The following EEF2 variants were observed in gnomAD, a reference collection of about 807,000 sequenced individuals.
EEF2 encodes elongation factor 2.
Under a neutral mutation model 85.3 loss-of-function variants are expected in EEF2, and 21 were observed. That is an observed-to-expected ratio of 0.25 (90% CI 0.17 to 0.35). The LOEUF (loss-of-function observed/expected upper bound fraction) is 0.35. EEF2 is among the 10% of genes least tolerant of loss of function. The pLI, the probability that EEF2 is intolerant of heterozygous loss-of-function variation, is 1.00. For missense variants in EEF2, 825 were observed against 1,225.3 expected, an observed-to-expected ratio of 0.67 and a Z score of 4.88; for synonymous variants, 723 against 508.8, an observed-to-expected ratio of 1.42 and a Z score of -5.67.
chr19:3,979,900 C>G lies in EEF2; in HGVS notation c.1513G>C (p.Val505Leu), dbSNP rs763738662. ...RVMKFSVSPV[V>L]RVAVEAKNPA... Reference sequence around the variant, plus strand: ...TTCTTGGCCTCCACGGCCACTCTGACAACAGGGCTGACGCTGAACTTCATC... The same window carrying G: ...TTCTTGGCCTCCACGGCCACTCTGAGAACAGGGCTGACGCTGAACTTCATC... Residue 505 changes from valine (V) to leucine (L), a missense_variant, in exon 10 of 15, where the codon GTC becomes CTC. Val to Leu is a conservative substitution (Grantham distance 32). Transcript: ENST00000309311. 1 of 1,613,894 alleles carries G rather than the reference C, an allele frequency of 6.2e-7. No individual in the cohort carries two copies. Among genetic ancestry groups the G allele is most frequent in the South Asian group, 1.1e-5 (1 of 91,090 alleles).
chr19:3,977,981 C>G lies in EEF2; in HGVS notation c.1905G>C (p.Leu635=), dbSNP rs149189348. ...CCACGTCCCACTCGTACTTCTCGGC[C>G]AGGTAGCGCGCCCGCTGCTTGAGCT... is the stretch of plus-strand genomic sequence containing the variant. The part of the protein sequence containing the change: ...RQELKQRARY[L]AEKYEWDVAE... Residue 635 remains leucine, a synonymous_variant, in exon 12 of 15, where the codon CTG becomes CTC. Transcript: ENST00000309311. This position sits in a 1 kb window ranked among gnomAD's most constrained non-coding sequence, Gnocchi z 5.4. 6.2e-7 allele frequency: 1 copy of G among 1,613,108 alleles called. No individual in the cohort carries two copies. Among genetic ancestry groups the G allele is most frequent in the Non-Finnish European group, 8.5e-7 (1 of 1,179,724 alleles).
rs1321095181 is a variant in EEF2, at chr19:3,976,449, C to T, written c.*105G>A. ...GGGCCCCAGAAACCTCTCAGGGGAG[C>T]GTCGCTGTGTCGGGACAGTCTCCAG... is the stretch of plus-strand genomic sequence containing the variant. On this transcript the variant is annotated 3_prime_UTR_variant, in exon 15 of 15. Coordinates refer to ENST00000309311, the MANE Select transcript of EEF2 (RefSeq NM_001961.4). 6 of 1,329,222 alleles carry T rather than the reference C, an allele frequency of 4.5e-6. No homozygotes were observed. The highest frequency in any genetic ancestry group is 2.7e-5 in the South Asian group (2 of 73,700). The allele number at this position is 1,329,222 out of a possible 1,614,324, so 82.3% of individuals were successfully genotyped here.
chr19:3,979,237 A>T, intron 11 of EEF2, 92 bp downstream of exon 11: 1 of 951,310 alleles, frequency 1.1e-6, no homozygotes, highest in East Asian at 2.4e-5. Flanking sequence ...GATCAAGTCT[A>T]GGCGTCTGCA....
rs1218412825 is a variant in EEF2 at position 3,983,101 on chromosome 19, A to C, written c.400+9T>G. The stretch of plus-strand genomic sequence containing the variant: ...TCCAGGCCGTGCCTCAGGGGGACCC[A>C]CTGCTTACCTGACACGCAGTCCACC... On this transcript the variant is annotated intron_variant, in intron 3 of 14. Transcript: ENST00000309311. 6.2e-7 allele frequency: 1 copy of C among 1,612,940 alleles called. No homozygotes were observed. Among genetic ancestry groups the C allele is most frequent in the Admixed American group, 1.7e-5 (1 of 59,996 alleles).
At chr19:3,982,639 G>C in intron 4 of EEF2, 168 bp downstream of exon 4, 1 of 1,096,772 alleles carries the variant, frequency 9.1e-7, no homozygotes, top group East Asian at 2.4e-5. Flanking sequence ...GCTGCCCAAA[G>C]ATCAAGGGCT....
In EEF2 at chr19:3,976,515, G is replaced by GCGCTT. The variant is rs2039681564; in HGVS notation, c.*38_*39insAAGCG. ...TCGAGGACGTGGTGCTGTGGGTGCTGCGAGTCCCCGGGGCGGCAGGCGCTG... is the reference window on the plus strand; with the variant it reads ...TCGAGGACGTGGTGCTGTGGGTGCTGCGCTTCGAGTCCCCGGGGCGGCAGGCGCTG... On this transcript the variant is annotated 3_prime_UTR_variant, in exon 15 of 15. Coordinates refer to ENST00000309311, the MANE Select transcript of EEF2 (RefSeq NM_001961.4). The GCGCTT allele has an allele frequency of 6.4e-7, 1 of 1,565,490 alleles. No homozygotes were observed. The highest frequency in any genetic ancestry group is 1.4e-5 in the African/African-American group (1 of 73,766).
chr19:3,983,067 G>GC, intron 3 of EEF2, 43 bp downstream of exon 3: 1 of 1,611,272 alleles, frequency 6.2e-7, no homozygotes, highest in Non-Finnish European at 8.5e-7. Context: ...AGCAAGGATG[G>GC]CCCCCGGTTC....
rs143659055 is a variant in EEF2 at position 3,978,158 on chromosome 19, G to A, written c.1728C>T (p.Val576=). 30 of 1,449,222 alleles carry A rather than the reference G, an allele frequency of 2.1e-5. No homozygotes were observed. The African/African-American group carries it at 2.4e-4, about 12-fold the overall frequency. 89.8% of individuals were successfully genotyped at this position (1,449,222 alleles called of 1,614,324 possible). ...CACTGACCGTCTCGCGGTACGAGAC[G>A]ACCGGGTCAGATTTCTGCAAAAAGA... ...ACIPIKKSDP[V]VSYRETVSEE... The change falls in exon 12 of 15, where the codon GTC becomes GTT. Residue 576 remains valine (V), a synonymous_variant. Coordinates refer to ENST00000309311, the MANE Select transcript of EEF2 (RefSeq NM_001961.4).
rs2039737693 is a variant in EEF2, at chr19:3,980,893, C to T, written c.1098G>A (p.Lys366=). ...IHLPSPVTAQ[K]YRCELLYEGP... is the part of the protein sequence containing the mutation. ...CCTCGTACAGGAGCTCGCAGCGGTA[C>T]TTCTGGGCCGTCACAGGGGAGGGCA... is the stretch of plus-strand genomic sequence containing the variant. Residue 366 remains lysine, a synonymous_variant, in exon 8 of 15, where the codon AAG becomes AAA. Coordinates refer to ENST00000309311, the MANE Select transcript of EEF2 (RefSeq NM_001961.4). 3 of 1,565,010 alleles carry T rather than the reference C, an allele frequency of 1.9e-6. No individual in the cohort carries two copies. The highest frequency in any genetic ancestry group is 2.6e-6 in the Non-Finnish European group (3 of 1,155,986).
Position 3,980,602 on chromosome 19 carries a change from G to C in EEF2, c.1258C>G (p.Leu420Val), listed in dbSNP as rs1444018681. 6.2e-7 allele frequency: 1 copy of C among 1,614,240 alleles called. No homozygotes were observed. Among genetic ancestry groups the C allele is most frequent in the Non-Finnish European group, 8.5e-7 (1 of 1,180,040 alleles). ...CTGACCTTCAGGCCAGTGGAGACCA[G>C]CCCCGAGAAGACTCGTCCAAAGGCG... ...FYAFGRVFSG[L>V]VSTGLKVRIM... The change falls in exon 9 of 15, where the codon CTG becomes GTG. Residue 420 changes from leucine (L) to valine (V), a missense_variant. Physicochemically the swap from Leu to Val is conservative, Grantham distance 32. Transcript: ENST00000309311.
At chr19:3,978,430 C>T (rs891371816) in intron 11 of EEF2, among the ~76,000 whole-genome samples, 17 of 152,086 alleles carry the variant, frequency 1.1e-4, no homozygotes, top group African/African-American at 3.9e-4. Context: ...AGGGAAGAAA[C>T]GAGGTCTGGA....
In EEF2 at chr19:3,984,222, G is replaced by A. The variant is rs758482203; in HGVS notation, c.132C>T (p.Gly44=). 12 of 1,614,016 alleles carry A rather than the reference G, an allele frequency of 7.4e-6. No homozygotes were observed. The highest frequency in any genetic ancestry group is 1.3e-5 in the African/African-American group (1 of 74,936). ...TLTDSLVCKA[G]IIASARAGET... is the part of the protein sequence containing the mutation. ...CCCCGGCCCGGGCCGAGGCGATGAT[G>A]CCCGCCTTGCACACCAGGGAGTCTG... Residue 44 remains glycine, a synonymous_variant, in exon 2 of 15, where the codon GGC becomes GGT. Coordinates refer to ENST00000309311, the MANE Select transcript of EEF2 (RefSeq NM_001961.4).
chr19:3,982,833 C>T lies in EEF2; in HGVS notation c.586G>A (p.Glu196Lys). ...NVIISTYGEGESGPMGNIMID... is the reference protein window; with the variant it reads ...NVIISTYGEGKSGPMGNIMID... Reference sequence around the variant, plus strand: ...ATGATGTTGCCCATGGGGCCGCTCTCGCCCTCGCCGTAGGTGGAGATGATG... The same window carrying T: ...ATGATGTTGCCCATGGGGCCGCTCTTGCCCTCGCCGTAGGTGGAGATGATG... Residue 196 changes from glutamate to lysine, a missense_variant, in exon 4 of 15, where the codon GAG becomes AAG. Transcript: ENST00000309311. The T allele has an allele frequency of 6.2e-7, 1 of 1,612,592 alleles. No homozygotes were observed. Among genetic ancestry groups the T allele is most frequent in the South Asian group, 1.1e-5 (1 of 90,856 alleles).
At chr19:3,981,526 G>C (rs1415108922) in intron 6 of EEF2, 74 bp from the exon 7 acceptor site, 1 of 1,390,340 alleles carries the variant, frequency 7.2e-7, no homozygotes, top group Non-Finnish European at 1.0e-6. Flanking sequence ...CTTCCTGCTT[G>C]GAAGACTCAG....
rs1178023719 is a variant in EEF2, at chr19:3,977,698, G to A, written c.2068-88C>T. The A allele has an allele frequency of 6.8e-7, 1 of 1,478,984 alleles. No homozygotes were observed. Among genetic ancestry groups the A allele is most frequent in the Admixed American group, 2.4e-5 (1 of 41,804 alleles). The allele number at this position is 1,478,984 out of a possible 1,614,324, so 91.6% of individuals were successfully genotyped here. On this transcript the variant is annotated intron_variant, in intron 12 of 14. Coordinates refer to ENST00000309311, the MANE Select transcript of EEF2 (RefSeq NM_001961.4). The surrounding 1 kb of genome is among the most constrained non-coding windows in gnomAD (Gnocchi z 5.4). ...GCCAAGTCCTGCAGGTCTCCACCAG[G>A]GGGACCTGGGGCCTTGCCCGCCTTG...
Position 3,977,440 on chromosome 19 carries a change from A to T in EEF2, c.2238T>A (p.Leu746=). 6.3e-7 allele frequency: 1 copy of T among 1,583,396 alleles called. No homozygotes were observed. The highest frequency in any genetic ancestry group is 8.6e-7 in the Non-Finnish European group (1 of 1,165,184). The change falls in exon 13 of 15, where the codon CTT becomes CTA. Residue 746 remains leucine, a synonymous_variant. Coordinates refer to ENST00000309311, the MANE Select transcript of EEF2 (RefSeq NM_001961.4). This position sits in a 1 kb window ranked among gnomAD's most constrained non-coding sequence, Gnocchi z 5.4. The stretch of plus-strand genomic sequence containing the variant: ...GGGTAGACCTCACCTGGATCTCCAC[A>T]AGGTAGATGGGCTCCATGAGGCGTG... ...AQPRLMEPIY[L]VEIQCPEQVV...
In EEF2 at chr19:3,982,830, TCTCGCC is replaced by T; in HGVS notation, c.583_588del (p.Gly195_Glu196del). 1 of 1,612,452 alleles carries T rather than the reference TCTCGCC, an allele frequency of 6.2e-7. No homozygotes were observed. The highest frequency in any genetic ancestry group is 8.5e-7 in the Non-Finnish European group (1 of 1,179,662). On this transcript the variant is annotated inframe_deletion, in exon 4 of 15. Coordinates refer to ENST00000309311, the MANE Select transcript of EEF2 (RefSeq NM_001961.4). The stretch of plus-strand genomic sequence containing the variant: ...ACCATGATGTTGCCCATGGGGCCGC[TCTCGCC>T]CTCGCCGTAGGTGGAGATGATGACG...
chr19:3,985,320 T>G (rs1411677341), intron 1 of EEF2, 58 bp downstream of exon 1: 12 of 1,405,212 alleles, frequency 8.5e-6, no homozygotes, highest in South Asian at 3.1e-5. Flanking sequence ...CTAGGCAGCG[T>G]AGGCCCCGCG....
Position 3,976,290 on chromosome 19 carries a change from TCCC to T in EEF2, c.*261_*263del. ...GAAGAAATGGAAAAAGTGTTGGGTG[TCCC>T]ATCCCGCCTCCCCCTCCCCGACCGG... On this transcript the variant is annotated 3_prime_UTR_variant, in exon 15 of 15. Transcript: ENST00000309311. 3 of 358,238 alleles carry T rather than the reference TCCC, an allele frequency of 8.4e-6. No individual in the cohort carries two copies. The highest frequency in any genetic ancestry group is 2.8e-5 in the South Asian group (1 of 35,678). The allele number at this position is 358,238 out of a possible 1,614,324, so 22.2% of individuals were successfully genotyped here.
Sources: gnomAD v4.1 joint callset for allele counts (sites outside exome capture counted in the v4.1 genomes callset) on GRCh38, gnomAD v4.1.1 for gene constraint, Gnocchi (gnomAD v3.1) non-coding constraint, MANE v1.5 for transcripts, NCBI Gene and HGNC (gene_info 2026-07-23, HGNC 2026-07-21) for gene names.